KLHDC2: variants seen among roughly 807,000 people sequenced by gnomAD.
The protein encoded by KLHDC2 is kelch domain containing 2, also known as kelch domain-containing protein 2.
KLHDC2 carries 38 observed loss-of-function variants against 62.3 expected under a neutral mutation model. The observed-to-expected ratio is 0.61, with a 90% CI of 0.47 to 0.80. The LOEUF (loss-of-function observed/expected upper bound fraction) is 0.80, where lower values mean the gene tolerates loss of function less well. Ranked by LOEUF, KLHDC2 falls within the 30% of genes least tolerant of loss-of-function variation. The pLI is 0.00. For synonymous variants in KLHDC2, 159 were observed against 161.0 expected (o/e 0.99, Z 0.09); for missense variants, 430 against 495.3 (o/e 0.87, Z 1.25).
At chr14:49,771,330 G>C (rs541151448) in intron 1 of KLHDC2, among the ~76,000 whole-genome samples, 1 of 151,610 alleles carries the variant, frequency 6.6e-6, no homozygotes, top group South Asian at 2.1e-4. Context: ...TCCATCCTGA[G>C]CAATAGAGAC....
At chr14:49,782,229 T>TAAGA (rs1202809761) in intron 10 of KLHDC2, 141 bp from the exon 11 acceptor site, 1 of 552,242 alleles carries the variant, frequency 1.8e-6, no homozygotes, top group African/African-American at 1.9e-5. Context: ...TACTTTCCCT[T>TAAGA]AAGATTTTAC....
Position 49,780,776 on chromosome 14 carries a change from G to GT in KLHDC2, c.956+2dup. On this transcript the variant is annotated splice_donor_variant, in intron 10 of 12. Coordinates refer to ENST00000298307, the MANE Select transcript of KLHDC2 (RefSeq NM_014315.3). LOFTEE classifies it high-confidence loss of function. ...ATCATCCATATACCGAAAAACCAAG[G>GT]TATTTAAAAGCAATTCATATACTGA... 1 of 1,518,396 alleles carries GT rather than the reference G, an allele frequency of 6.6e-7. No homozygotes were observed. The highest frequency in any genetic ancestry group is 9.1e-7 in the Non-Finnish European group (1 of 1,092,984). The allele number at this position is 1,518,396 out of a possible 1,614,324, so 94.1% of individuals were successfully genotyped here.
intron 9 of KLHDC2, 33 bp downstream of exon 9, chr14:49,780,355 T>G: frequency 7.8e-7 from 1 of 1,285,736 alleles, no homozygotes. Flanking sequence ...AATGAAATCA[T>G]CATATATCAT....
chr14:49,771,727 G>A lies in KLHDC2; in HGVS notation c.233+54G>A, dbSNP rs1889668817. The A allele has an allele frequency of 9.9e-6, 9 of 907,322 alleles. No homozygotes were observed. The East Asian group carries it at 1.5e-4, about 15-fold the overall frequency. The allele number at this position is 907,322 out of a possible 1,614,324, so 56.2% of individuals were successfully genotyped here. On this transcript the variant is annotated intron_variant, in intron 2 of 12. Transcript: ENST00000298307. The stretch of plus-strand genomic sequence containing the variant: ...AAAAATTCAGATAAGGGCTGGGCAC[G>A]GTGGCTGGCTCATGCCTATAATCCC...
intron 10 of KLHDC2, among the ~76,000 whole-genome samples, chr14:49,781,423 C>G (rs1228322500): frequency 6.7e-6 from 1 of 148,162 alleles, no homozygotes; most frequent in Non-Finnish European, 1.5e-5. Context: ...ATGTTTAAAC[C>G]TTAATCACAT....
At chr14:49,773,085 T>C (rs1386060532) in intron 2 of KLHDC2, among the ~76,000 whole-genome samples, 1 of 152,130 alleles carries the variant, frequency 6.6e-6, no homozygotes, top group Non-Finnish European at 1.5e-5. Flanking sequence ...ATAATTGTAT[T>C]CTCTTAAAAG....
chr14:49,782,559 A>G lies in KLHDC2; in HGVS notation c.1062A>G (p.Ile354Met). 6.2e-7 allele frequency: 1 copy of G among 1,607,570 alleles called. No individual in the cohort carries two copies. The highest frequency in any genetic ancestry group is 8.5e-7 in the Non-Finnish European group (1 of 1,175,788). Reference sequence around the variant, plus strand: ...TTTTTCAGGCACACAGTAATGAAATACTAATATTTTCAGTTCAACCAAAAT... The same window carrying G: ...TTTTTCAGGCACACAGTAATGAAATGCTAATATTTTCAGTTCAACCAAAAT... The part of the protein sequence containing the change: ...VHHRAAHSNE[I>M]LIFSVQPKSL... Residue 354 changes from isoleucine to methionine, a missense_variant, in exon 12 of 13, where the codon ATA becomes ATG. Coordinates refer to ENST00000298307, the MANE Select transcript of KLHDC2 (RefSeq NM_014315.3).
intron 10 of KLHDC2, chr14:49,782,146 T>C (rs112061317): frequency 1.2e-5 from 6 of 502,872 alleles, no homozygotes; most frequent in African/African-American, 7.9e-5. Flanking sequence ...AAACTCCTCA[T>C]TGCATAAATG....
At chr14:49,773,681 A>T (rs574995182) in intron 2 of KLHDC2, among the ~76,000 whole-genome samples, 2 of 146,326 alleles carry the variant, frequency 1.4e-5, no homozygotes, top group Non-Finnish European at 3.0e-5. Context: ...GCTTCACACC[A>T]TTCTGTTGCC....
Position 49,785,364 on chromosome 14 carries a change from C to T in KLHDC2, c.*2411C>T. On this transcript the variant is annotated 3_prime_UTR_variant, in exon 13 of 13. Transcript: ENST00000298307. ...AGTTACAAAGGCAATTTATACCGCC[C>T]TTTACAAAAAATGCTAAAACACTTG... 1 of 1,364,818 alleles carries T rather than the reference C, an allele frequency of 7.3e-7. No homozygotes were observed. Among genetic ancestry groups the T allele is most frequent in the Non-Finnish European group, 1.0e-6 (1 of 954,468 alleles). 84.5% of individuals were successfully genotyped at this position (1,364,818 alleles called of 1,614,324 possible). A position where few individuals can be genotyped will look rare whatever the true frequency, so the allele number is the denominator to read the frequency against.
chr14:49,783,185 T>G lies in KLHDC2; in HGVS notation c.*232T>G, dbSNP rs1188693822. 6.0e-6 allele frequency: 2 copies of G among 335,216 alleles called. No individual in the cohort carries two copies. The highest frequency in any genetic ancestry group is 1.1e-5 in the Non-Finnish European group (2 of 186,768). 20.8% of individuals were successfully genotyped at this position (335,216 alleles called of 1,614,324 possible). A position where few individuals can be genotyped will look rare whatever the true frequency, so the allele number is the denominator to read the frequency against. On this transcript the variant is annotated 3_prime_UTR_variant, in exon 13 of 13. Transcript: ENST00000298307. ...AAAGTAATGGTTGGGCTTTTTACCC[T>G]GAAGAATGGTTGCTACATTTTCTTT...
At chr14:49,770,490 T>G (rs1286092861) in intron 1 of KLHDC2, among the ~76,000 whole-genome samples, 1 of 152,202 alleles carries the variant, frequency 6.6e-6, no homozygotes, top group Non-Finnish European at 1.5e-5. Context: ...CTTGCTGGAC[T>G]TTGACACCCA....
chr14:49,768,393 T>G lies in KLHDC2; in HGVS notation c.-76T>G. Reference sequence around the variant, plus strand: ...TTTCCTTGCCTCGCGCCGCTGTGCATTTCTCTCCTTTTCCTTTGTTTTTTT... The same window carrying G: ...TTTCCTTGCCTCGCGCCGCTGTGCAGTTCTCTCCTTTTCCTTTGTTTTTTT... On this transcript the variant is annotated 5_prime_UTR_variant, in exon 1 of 13. Transcript: ENST00000298307. 46 of 1,472,948 alleles carry G rather than the reference T, an allele frequency of 3.1e-5. No individual in the cohort carries two copies. The highest frequency in any genetic ancestry group is 3.9e-5 in the Non-Finnish European group (42 of 1,083,388). The allele number at this position is 1,472,948 out of a possible 1,614,324, so 91.2% of individuals were successfully genotyped here.
chr14:49,777,420 A>T (rs1201171756), intron 3 of KLHDC2, among the ~76,000 whole-genome samples: 1 of 152,100 alleles, frequency 6.6e-6, no homozygotes, highest in Non-Finnish European at 1.5e-5. Flanking sequence ...AAAAATAAAA[A>T]TGGGAAAAGA....
chr14:49,780,454 T>C (rs1335202549), intron 9 of KLHDC2, 132 bp downstream of exon 9: 1 of 690,958 alleles, frequency 1.4e-6, no homozygotes, highest in African/African-American at 1.8e-5. Flanking sequence ...ATTTTGATCC[T>C]GTAACATAGC....
In KLHDC2 at chr14:49,774,582, T is replaced by A; in HGVS notation, c.255T>A (p.Gly85=). The A allele has an allele frequency of 6.2e-7, 1 of 1,612,582 alleles. No individual in the cohort carries two copies. Among genetic ancestry groups the A allele is most frequent in the Non-Finnish European group, 8.5e-7 (1 of 1,178,576 alleles). The change falls in exon 3 of 13, where the codon GGT becomes GGA. Residue 85 remains glycine, a synonymous_variant. Transcript: ENST00000298307. ...TGRWKKINTE[G]DVPPSMSGSC... Reference sequence around the variant, plus strand: ...TCAGGAAAAAAATCAACACTGAAGGTGATGTTCCTCCTTCTATGTCAGGAA... The same window carrying A: ...TCAGGAAAAAAATCAACACTGAAGGAGATGTTCCTCCTTCTATGTCAGGAA...
At chr14:49,777,410 A>G (rs1035962971) in intron 3 of KLHDC2, among the ~76,000 whole-genome samples, 4 of 152,298 alleles carry the variant, frequency 2.6e-5, no homozygotes, top group African/African-American at 9.6e-5. Context: ...TAAAAAATAA[A>G]AAAATAAAAA....
At position 49,777,824 on chromosome 14, in the gene KLHDC2, C is replaced by T. The variant is rs1004603662; in HGVS notation, c.352-15C>T. 1 of 1,346,246 alleles carries T rather than the reference C, an allele frequency of 7.4e-7. No individual in the cohort carries two copies. The highest frequency in any genetic ancestry group is 1.0e-6 in the Non-Finnish European group (1 of 969,432). The allele number at this position is 1,346,246 out of a possible 1,614,324, so 83.4% of individuals were successfully genotyped here. On this transcript the variant is annotated splice_polypyrimidine_tract_variant and intron_variant, in intron 3 of 12. Transcript: ENST00000298307. Reference sequence around the variant, plus strand: ...TCATAAAACCAACTCTAACTGAAATCATTGCTTCTGACAGTTCTACATGCT... The same window carrying T: ...TCATAAAACCAACTCTAACTGAAATTATTGCTTCTGACAGTTCTACATGCT...
chr14:49,777,841 C>A lies in KLHDC2; in HGVS notation c.354C>A (p.Phe118Leu). 2 of 1,536,988 alleles carry A rather than the reference C, an allele frequency of 1.3e-6. No homozygotes were observed. The highest frequency in any genetic ancestry group is 1.4e-5 in the African/African-American group (1 of 72,656). The change falls in exon 4 of 13, where the codon TTC becomes TTA. Residue 118 changes from phenylalanine (F) to leucine (L), a missense_variant and splice_region_variant. Physicochemically the swap from Phe to Leu is conservative, Grantham distance 22. Transcript: ENST00000298307. ...ACTGAAATCATTGCTTCTGACAGTT[C>A]TACATGCTGGATTCAAGGTCTACAG... is the stretch of plus-strand genomic sequence containing the variant. Reference protein sequence around the residue: ...GHHSRGNTNKFYMLDSRSTDR... With the variant: ...GHHSRGNTNKLYMLDSRSTDR...
Sources: allele counts gnomAD v4.1 joint callset (sites outside exome capture counted in the v4.1 genomes callset), GRCh38; gene constraint gnomAD v4.1.1; transcripts MANE v1.5; gene names NCBI Gene and HGNC (gene_info 2026-07-23, HGNC 2026-07-21).